RYR3: variants seen among roughly 807,000 people sequenced by gnomAD.
The protein encoded by RYR3 is ryanodine receptor 3.
Under a neutral mutation model 584.3 loss-of-function variants are expected in RYR3, and 207 were observed. The ratio of observed to expected loss-of-function variants is 0.35; its 90% confidence interval spans 0.32 to 0.40. The LOEUF (loss-of-function observed/expected upper bound fraction) is 0.40. RYR3 is among the 10% of genes least tolerant of loss of function. The pLI is 1.00. For missense variants in RYR3, 5,616 were observed against 6,089.2 expected, an observed-to-expected ratio of 0.92 and a Z score of 2.59; for synonymous variants, 2,416 against 2,248.5, an observed-to-expected ratio of 1.07 and a Z score of -2.11.
intron 74 of RYR3, among the ~76,000 whole-genome samples, chr15:33,814,326 T>A (rs1421251439): frequency 6.6e-6 from 1 of 152,162 alleles, no homozygotes; most frequent in East Asian, 1.9e-4. Flanking sequence ...TAAACAAAGC[T>A]GGTAATTGAA....
At chr15:33,772,305 G>GAAA in intron 63 of RYR3, 147 bp downstream of exon 63, 2 of 579,928 alleles carry the variant, frequency 3.4e-6, no homozygotes, top group Non-Finnish European at 6.1e-6. Context: ...AAAAGAAGAA[G>GAAA]AAGAAGAAGA....
chr15:33,418,328 G>A (rs2043975781), intron 1 of RYR3, among the ~76,000 whole-genome samples: 1 of 149,382 alleles, frequency 6.7e-6, no homozygotes, highest in South Asian at 2.1e-4. Flanking sequence ...CTCGTTGGCA[G>A]GTTTTTTTTT....
At chr15:33,343,446 A>T (rs763630114) in intron 1 of RYR3, among the ~76,000 whole-genome samples, 2 of 152,174 alleles carry the variant, frequency 1.3e-5, no homozygotes, top group Non-Finnish European at 2.9e-5. Context: ...GAATCACACA[A>T]GAGAATCTAT....
In RYR3 at chr15:33,768,694, A is replaced by C; in HGVS notation, c.8742A>C (p.Arg2914Ser). The C allele has an allele frequency of 6.2e-7, 1 of 1,613,904 alleles. No homozygotes were observed. Among genetic ancestry groups the C allele is most frequent in the Non-Finnish European group, 8.5e-7 (1 of 1,179,844 alleles). Residue 2914 changes from arginine to serine, a missense_variant, in exon 61 of 104, where the codon AGA becomes AGC. Around this residue, in one of 9 missense-constraint regions of RYR3, gnomAD observed 1,280 missense variants for 1,426.2 expected, o/e 0.90. Coordinates refer to ENST00000634891, the MANE Select transcript of RYR3 (RefSeq NM_001036.6). ...FCKLAALVRH[R>S]ISLFGSDSTT... ...AACTTGCCGCTCTCGTTAGACACAG[A>C]ATTTCCCTCTTTGGTAAGTGAAGTG...
At chr15:33,611,878 C>T (rs1434899833) in intron 18 of RYR3, among the ~76,000 whole-genome samples, 1 of 152,156 alleles carries the variant, frequency 6.6e-6, no homozygotes, top group Non-Finnish European at 1.5e-5. Flanking sequence ...AGGCTGGTCT[C>T]AAACTCCTGA....
intron 38 of RYR3, among the ~76,000 whole-genome samples, chr15:33,687,033 G>A (rs963628378): frequency 6.6e-6 from 1 of 152,108 alleles, no homozygotes; most frequent in African/African-American, 2.4e-5. Context: ...CTCTCACCAC[G>A]CCTATTCAAC....
chr15:33,725,634 A>C (rs1275043757), intron 45 of RYR3, among the ~76,000 whole-genome samples: 6 of 151,972 alleles, frequency 3.9e-5, no homozygotes. Context: ...AACTCTTAGA[A>C]ATTGAAATTC....
At chr15:33,417,760 C>G (rs891060408) in intron 1 of RYR3, among the ~76,000 whole-genome samples, 7 of 152,096 alleles carry the variant, frequency 4.6e-5, no homozygotes, top group African/African-American at 1.7e-4. Context: ...TTGTCTTGTT[C>G]CGGTTCACAG....
intron 1 of RYR3, among the ~76,000 whole-genome samples, chr15:33,444,171 G>A (rs1280247831): frequency 2.0e-5 from 3 of 152,234 alleles, no homozygotes; most frequent in East Asian, 3.9e-4. Context: ...TGGGGTTCGT[G>A]TACAAAGCCA....
At chr15:33,615,700 A>C (rs2060414582) in intron 19 of RYR3, among the ~76,000 whole-genome samples, 1 of 152,170 alleles carries the variant, frequency 6.6e-6, no homozygotes, top group African/African-American at 2.4e-5. Flanking sequence ...TGTGCTGAGG[A>C]TATTTCATCC....
At position 33,854,779 on chromosome 15, in the gene RYR3, T is replaced by C. The variant is rs752075365; in HGVS notation, c.13874T>C (p.Leu4625Pro). 1 of 1,609,264 alleles carries C rather than the reference T, an allele frequency of 6.2e-7. No homozygotes were observed. The highest frequency in any genetic ancestry group is 1.7e-5 in the Admixed American group (1 of 58,800). ...TTCCATTCCCAGTCCTTTCTCTACC[T>C]TGCCTGGTATACAACCATGTCAGTC... is the stretch of plus-strand genomic sequence containing the variant. ...VVFTDNSFLY[L>P]AWYTTMSVLG... The change falls in exon 98 of 104, where the codon CTT (leucine) becomes CCT (proline). Residue 4625 changes from leucine (L) to proline (P), a missense_variant. Transcript: ENST00000634891.
At chr15:33,669,325 A>G (rs2063679654) in intron 36 of RYR3, 29 bp from the exon 37 acceptor site, 8 of 1,591,676 alleles carry the variant, frequency 5.0e-6, no homozygotes, top group South Asian at 1.1e-5. Flanking sequence ...TTGAGAACCA[A>G]CTAGCTATTC....
At chr15:33,648,973 G>A (rs962671258) in intron 30 of RYR3, 99 bp from the exon 31 acceptor site, 2 of 1,194,196 alleles carry the variant, frequency 1.7e-6, no homozygotes, top group Non-Finnish European at 2.3e-6. Context: ...AAAAGGGGGG[G>A]CCAAGTGAGC....
intron 1 of RYR3, among the ~76,000 whole-genome samples, chr15:33,352,373 G>C (rs1327226063): frequency 6.6e-6 from 1 of 151,902 alleles, no homozygotes; most frequent in Admixed American, 6.6e-5. Context: ...CTGAGAATTA[G>C]GGTTGAATTC....
intron 1 of RYR3, among the ~76,000 whole-genome samples, chr15:33,461,134 C>A (rs2048007011): frequency 6.6e-6 from 1 of 151,632 alleles, no homozygotes; most frequent in Admixed American, 6.6e-5. Flanking sequence ...TTAGTAGAGA[C>A]GGGGTTTCAC....
intron 1 of RYR3, among the ~76,000 whole-genome samples, chr15:33,370,288 G>C (rs370194867): frequency 1.3e-5 from 2 of 152,136 alleles, no homozygotes; most frequent in African/African-American, 4.8e-5. Flanking sequence ...ACTCTGACAC[G>C]GTTTCCACAT....
rs79295703 is a variant in RYR3 at position 33,701,450 on chromosome 15, A to C, written c.6483+370A>C. Among the ~76,000 whole-genome samples, 1,185 of 152,320 alleles carry C rather than the reference A, an allele frequency of 7.8e-3. 8 individuals carry two copies. Among genetic ancestry groups the C allele is most frequent in the Middle Eastern group, 0.041 (12 of 294 alleles). The stretch of plus-strand genomic sequence containing the variant: ...AGACATGGCAGAATACTGTATAATC[A>C]GTGTCCTTTCCATGTGTAACTGAGA... On this transcript the variant is annotated intron_variant, in intron 42 of 103. Transcript: ENST00000634891.
At chr15:33,714,963 A>T (rs566269303) in intron 43 of RYR3, among the ~76,000 whole-genome samples, 1 of 152,238 alleles carries the variant, frequency 6.6e-6, no homozygotes, top group Non-Finnish European at 1.5e-5. Context: ...CACATGAGAC[A>T]TTGGCATGCC....
intron 29 of RYR3, among the ~76,000 whole-genome samples, chr15:33,647,201 T>C (rs907344838): frequency 1.3e-5 from 2 of 152,188 alleles, no homozygotes; most frequent in African/African-American, 4.8e-5. Context: ...ACCATCTAAC[T>C]TACCATCTGG....
Sources: allele counts gnomAD v4.1 joint callset (sites outside exome capture counted in the v4.1 genomes callset), GRCh38; gene constraint gnomAD v4.1.1; regional missense constraint gnomAD v4.1.1; transcripts MANE v1.5; gene names NCBI Gene and HGNC (gene_info 2026-07-23, HGNC 2026-07-21).